The following PRDM11 variants were observed in gnomAD, a reference collection of about 807,000 sequenced individuals.
PRDM11 encodes PR/SET domain 11, also known as PR domain-containing protein 11.
Under a neutral mutation model 97.8 loss-of-function variants are expected in PRDM11, and 20 were observed. The observed-to-expected ratio is 0.20, with a 90% confidence interval of 0.14 to 0.30. The LOEUF (loss-of-function observed/expected upper bound fraction) is 0.30. PRDM11 is among the 10% of genes least tolerant of loss of function. The pLI is 1.00. For missense variants in PRDM11, 1,139 were observed against 1,555.2 expected (o/e 0.73, Z 4.50); for synonymous variants, 599 against 637.7 (o/e 0.94, Z 0.91).
intron 5 of PRDM11, chr11:45,208,746 G>T: frequency 2.8e-6 from 1 of 355,698 alleles, no homozygotes; most frequent in Non-Finnish European, 5.6e-6. Context: ...TAGGAGGAGG[G>T]TGTGGTGGGG....
intron 2 of PRDM11, 50 bp downstream of exon 2, chr11:45,181,935 G>T (rs751869214): frequency 1.3e-6 from 2 of 1,541,088 alleles, no homozygotes; most frequent in African/African-American, 1.4e-5. Context: ...AGTGGGAGGT[G>T]CCTGGGCTCG....
At chr11:45,118,170 G>C (rs1852344749) in intron 1 of PRDM11, among the ~76,000 whole-genome samples, 1 of 152,172 alleles carries the variant, frequency 6.6e-6, no homozygotes, top group Non-Finnish European at 1.5e-5. Context: ...ATCTTAAAGA[G>C]ACTTGACAGT....
intron 1 of PRDM11, among the ~76,000 whole-genome samples, chr11:45,165,452 T>C (rs750917592): frequency 6.6e-6 from 1 of 152,212 alleles, no homozygotes; most frequent in Non-Finnish European, 1.5e-5. Flanking sequence ...CCTCTGAGGC[T>C]GGGTTCTCAG....
intron 1 of PRDM11, among the ~76,000 whole-genome samples, chr11:45,174,637 A>G (rs995137587): frequency 3.3e-5 from 5 of 152,210 alleles, no homozygotes; most frequent in Admixed American, 3.3e-4. Flanking sequence ...TCTCCTAACC[A>G]ATTGGCAGGA....
At chr11:45,122,709 T>C (rs1189650423) in intron 1 of PRDM11, among the ~76,000 whole-genome samples, 1 of 152,126 alleles carries the variant, frequency 6.6e-6, no homozygotes, top group Non-Finnish European at 1.5e-5. Flanking sequence ...CCATGGTGTA[T>C]ATGTGCCACA....
chr11:45,219,452 T>C lies in PRDM11; in HGVS notation c.555-118T>C. On this transcript the variant is annotated intron_variant, in intron 5 of 7. Transcript: ENST00000683152. The surrounding 1 kb of genome is among the most constrained non-coding windows in gnomAD (Gnocchi z 4.2). ...GGCAGCTGCTCTGCTGATGTTCACA[T>C]GGGCCCACGTGCCTGTGGACTTCTA... 1.0e-6 allele frequency: 1 copy of C among 991,454 alleles called. No individual in the cohort carries two copies. 61.4% of individuals were successfully genotyped at this position (991,454 alleles called of 1,614,324 possible).
Position 45,224,613 on chromosome 11 carries a change from A to C in PRDM11, c.1139A>C (p.Asp380Ala), listed in dbSNP as rs1242382575. The C allele has an allele frequency of 5.6e-6, 9 of 1,614,042 alleles. No homozygotes were observed. The highest frequency in any genetic ancestry group is 1.7e-5 in the Admixed American group (1 of 60,010). The stretch of plus-strand genomic sequence containing the variant: ...TCCAAGGAGCCAGGCCAATTGGAGG[A>C]TGAAGAAGAGGAGCCTTCATCATTC... ...GVSKEPGQLE[D>A]EEEEPSSFKA... Residue 380 changes from aspartate to alanine, a missense_variant, in exon 7 of 8, where the codon GAT (aspartate) becomes GCT (alanine). Physicochemically the swap from Asp to Ala is moderately radical, Grantham distance 126. This residue lies in a region of PRDM11 where 429 missense variants were observed against 510.3 expected (regional missense o/e 0.84). Transcript: ENST00000683152.
intron 1 of PRDM11, among the ~76,000 whole-genome samples, chr11:45,155,046 G>A (rs1447373037): frequency 6.6e-6 from 1 of 152,196 alleles, no homozygotes; most frequent in African/African-American, 2.4e-5. Context: ...AGTGGCCGGT[G>A]GGCGCCTTCC....
chr11:45,153,624 G>T (rs1851716201), intron 1 of PRDM11, among the ~76,000 whole-genome samples: 1 of 152,214 alleles, frequency 6.6e-6, no homozygotes, highest in Admixed American at 6.5e-5. Flanking sequence ...TGCACTTAAA[G>T]GTGATCTGGC....
At chr11:45,188,168 G>C (rs2863160) in intron 4 of PRDM11, among the ~76,000 whole-genome samples, 26,215 of 152,138 alleles carry the variant, frequency 0.17, 2,945 homozygotes, top group African/African-American at 0.31. Flanking sequence ...AAATGATGGT[G>C]GTGGTCATGA....
rs1852432943 is a variant in PRDM11, at chr11:45,180,186, C to T, written c.-6-1575C>T. Among the ~76,000 whole-genome samples the T allele has an allele frequency of 2.0e-5, 3 of 152,250 alleles. No individual in the cohort carries two copies. The South Asian group carries it at 6.2e-4, about 31-fold the overall frequency. ...GCTTGACATCTTCCAGGCCCCAATT[C>T]CTGCGCCCTCACAGGAGGCAGGGGG... On this transcript the variant is annotated intron_variant, in intron 1 of 7. Coordinates refer to ENST00000683152, the MANE Select transcript of PRDM11 (RefSeq NM_001384648.1).
intron 1 of PRDM11, among the ~76,000 whole-genome samples, chr11:45,152,887 A>C (rs970359557): frequency 6.6e-6 from 1 of 152,188 alleles, no homozygotes; most frequent in Non-Finnish European, 1.5e-5. Context: ...AGGAGTTTAC[A>C]ATCTGTCTGT....
intron 1 of PRDM11, among the ~76,000 whole-genome samples, chr11:45,162,704 A>T (rs2135705478): frequency 6.6e-6 from 1 of 152,266 alleles, no homozygotes; most frequent in African/African-American, 2.4e-5. Flanking sequence ...GAGGAAGCTG[A>T]GATTTGAATC....
At chr11:45,177,045 C>G (rs1203744821) in intron 1 of PRDM11, among the ~76,000 whole-genome samples, 1 of 152,208 alleles carries the variant, frequency 6.6e-6, no homozygotes, top group African/African-American at 2.4e-5. Flanking sequence ...TCAATGGGAA[C>G]AACAGAGATG....
At chr11:45,180,936 C>T (rs1471356951) in intron 1 of PRDM11, among the ~76,000 whole-genome samples, 1 of 152,126 alleles carries the variant, frequency 6.6e-6, no homozygotes, top group Non-Finnish European at 1.5e-5. Context: ...TCGCCGCCGC[C>T]GGCTTTGGGG....
At chr11:45,116,767 C>A (rs767263588) in intron 1 of PRDM11, among the ~76,000 whole-genome samples, 4 of 152,144 alleles carry the variant, frequency 2.6e-5, no homozygotes, top group Non-Finnish European at 4.4e-5. Context: ...AGAATCAGGG[C>A]TCCTTGGACA....
At chr11:45,128,267 G>C (rs1480583905) in intron 1 of PRDM11, among the ~76,000 whole-genome samples, 1 of 152,184 alleles carries the variant, frequency 6.6e-6, no homozygotes, top group African/African-American at 2.4e-5. Context: ...CTTTGACTAG[G>C]AAAGGGAACT....
At chr11:45,212,318 G>A (rs775642008) in intron 5 of PRDM11, among the ~76,000 whole-genome samples, 40 of 152,198 alleles carry the variant, frequency 2.6e-4, no homozygotes, top group Non-Finnish European at 4.0e-4. Flanking sequence ...TTTGGGGAAC[G>A]TGGATTTCTC....
chr11:45,224,585 G>T lies in PRDM11; in HGVS notation c.1111G>T (p.Val371Phe), dbSNP rs141839454. The change falls in exon 7 of 8, where the codon GTC becomes TTC. Residue 371 changes from valine to phenylalanine, a missense_variant. By Grantham distance (50) the Val-to-Phe change is conservative. Around this residue, in one of 2 missense-constraint regions of PRDM11, gnomAD observed 429 missense variants for 510.3 expected, o/e 0.84. Transcript: ENST00000683152. Reference protein sequence around the residue: ...GEGDWKVPQGVSKEPGQLEDE... With the variant: ...GEGDWKVPQGFSKEPGQLEDE... ...GGGGGACTGGAAGGTCCCCCAGGGG[G>T]TCTCCAAGGAGCCAGGCCAATTGGA... 9.4e-5 allele frequency: 152 copies of T among 1,614,088 alleles called. No homozygotes were observed. The African/African-American group carries it at 1.8e-3, about 20-fold the overall frequency.
Sources: gnomAD v4.1 joint callset for allele counts (sites outside exome capture counted in the v4.1 genomes callset) on GRCh38, gnomAD v4.1.1 for gene constraint, gnomAD v4.1.1 regional missense constraint, Gnocchi (gnomAD v3.1) non-coding constraint, MANE v1.5 for transcripts, NCBI Gene and HGNC (gene_info 2026-07-23, HGNC 2026-07-21) for gene names.